The following GALNT13 variants were observed in gnomAD, a reference collection of about 807,000 sequenced individuals.
GALNT13 encodes the protein UDP-GalNAc:polypeptide N-acetylgalactosaminyltransferase 13.
In GALNT13, 28 loss-of-function variants were observed where a neutral mutation model predicts 64.2. The observed-to-expected ratio is 0.44, with a 90% CI of 0.32 to 0.60. The LOEUF is 0.60. GALNT13 is among the 20% of genes least tolerant of loss of function. The probability of loss-of-function intolerance (pLI) is 0.05; values close to 1 mark genes in which losing one functional copy is unlikely to be tolerated. For missense variants in GALNT13, 577 were observed against 669.8 expected (o/e 0.86, Z 1.53); for synonymous variants, 214 against 224.6 (o/e 0.95, Z 0.42).
chr2:153,261,523 T>A, the GALNT13 span, among the ~76,000 whole-genome samples: 1 of 152,294 alleles, frequency 6.6e-6, no homozygotes, highest in African/African-American at 2.4e-5. Flanking sequence ...TTACTTTCCC[T>A]CAAACAAATG....
the GALNT13 span, among the ~76,000 whole-genome samples, chr2:153,726,360 A>T: frequency 6.6e-6 from 1 of 152,264 alleles, no homozygotes; most frequent in African/African-American, 2.4e-5. Context: ...GTTTTTTTTC[A>T]TGTGGAATCA....
At chr2:153,431,091 A>G in the GALNT13 span, among the ~76,000 whole-genome samples, 1 of 151,444 alleles carries the variant, frequency 6.6e-6, no homozygotes, top group Non-Finnish European at 1.5e-5. Context: ...CGGAGGTTGC[A>G]GTGAGCCGAG....
intron 9 of GALNT13, among the ~76,000 whole-genome samples, chr2:154,367,073 T>TA (rs1288624479): frequency 1.2e-4 from 18 of 152,038 alleles, no homozygotes; most frequent in Admixed American, 3.3e-4. Context: ...ACTCCTTTTT[T>TA]AAAAAAAAAT....
At chr2:153,080,885 T>C in the GALNT13 span, among the ~76,000 whole-genome samples, 1 of 152,120 alleles carries the variant, frequency 6.6e-6, no homozygotes, top group Non-Finnish European at 1.5e-5. Context: ...TTTTCTCCTT[T>C]AATGCTTTTT....
At chr2:154,385,239 A>G (rs1397425762) in intron 9 of GALNT13, among the ~76,000 whole-genome samples, 1 of 151,956 alleles carries the variant, frequency 6.6e-6, no homozygotes, top group African/African-American at 2.4e-5. Context: ...GCACACTGAA[A>G]TCTTCTGGCT....
At chr2:153,756,724 A>G in the GALNT13 span, among the ~76,000 whole-genome samples, 121 of 152,140 alleles carry the variant, frequency 8.0e-4, no homozygotes, top group Non-Finnish European at 1.4e-3. Flanking sequence ...CATTGACTAG[A>G]CTTTCCATTC....
chr2:154,009,701 G>T (rs67553319), intron 3 of GALNT13, among the ~76,000 whole-genome samples: 28,253 of 151,892 alleles, frequency 0.19, 3,369 homozygotes, highest in Non-Finnish European at 0.26. Flanking sequence ...TATTCATCAG[G>T]CTGGTCTCGA....
chr2:153,200,248 C>T, the GALNT13 span, among the ~76,000 whole-genome samples: 3 of 152,158 alleles, frequency 2.0e-5, no homozygotes, highest in African/African-American at 7.2e-5. Context: ...AGGTGAAGAG[C>T]AAGAATTGTC....
At chr2:153,498,614 T>C in the GALNT13 span, among the ~76,000 whole-genome samples, 2 of 152,182 alleles carry the variant, frequency 1.3e-5, no homozygotes, top group Non-Finnish European at 2.9e-5. Context: ...GGCACCCACA[T>C]CTGGACAAGG....
the GALNT13 span, among the ~76,000 whole-genome samples, chr2:153,424,923 G>T: frequency 6.6e-6 from 1 of 151,698 alleles, no homozygotes; most frequent in East Asian, 1.9e-4. Flanking sequence ...AGACAAAAGT[G>T]AAAAATAAAA....
At chr2:153,345,651 CTT>C in the GALNT13 span, among the ~76,000 whole-genome samples, 6 of 129,522 alleles carry the variant, frequency 4.6e-5, no homozygotes, top group African/African-American at 1.8e-4. Flanking sequence ...TTCTTTCTTT[CTT>C]TCTTTCTTTC....
the GALNT13 span, among the ~76,000 whole-genome samples, chr2:153,240,398 C>A: frequency 6.6e-6 from 1 of 152,094 alleles, no homozygotes; most frequent in Non-Finnish European, 1.5e-5. Flanking sequence ...GCAAGGTGAA[C>A]CCATAGGGTG....
chr2:153,419,081 G>A, the GALNT13 span, among the ~76,000 whole-genome samples: 3 of 152,118 alleles, frequency 2.0e-5, no homozygotes, highest in African/African-American at 7.2e-5. Flanking sequence ...AGAAATACCC[G>A]AGACTGGGTA....
At chr2:153,105,960 C>T in the GALNT13 span, among the ~76,000 whole-genome samples, 1 of 152,046 alleles carries the variant, frequency 6.6e-6, no homozygotes, top group Admixed American at 6.6e-5. Flanking sequence ...TTATATGTTG[C>T]TTTCAGTGAT....
chr2:153,221,453 T>C, the GALNT13 span, among the ~76,000 whole-genome samples: 1 of 152,222 alleles, frequency 6.6e-6, no homozygotes, highest in Non-Finnish European at 1.5e-5. Context: ...TGCTTAATTC[T>C]AGACAAAACA....
intron 1 of GALNT13, among the ~76,000 whole-genome samples, chr2:153,878,451 A>G (rs1249721713): frequency 6.6e-6 from 1 of 152,178 alleles, no homozygotes; most frequent in Non-Finnish European, 1.5e-5. Flanking sequence ...CATAATGCTT[A>G]TAGCTTATTC....
the GALNT13 span, among the ~76,000 whole-genome samples, chr2:153,322,011 C>G: frequency 1.3e-5 from 2 of 150,276 alleles, no homozygotes; most frequent in East Asian, 4.1e-4. Flanking sequence ...AATTTAAGTA[C>G]GGAAAAACTA....
chr2:153,346,566 C>G, the GALNT13 span, among the ~76,000 whole-genome samples: 1 of 152,036 alleles, frequency 6.6e-6, no homozygotes, highest in African/African-American at 2.4e-5. Context: ...CATGCCAAGG[C>G]CTTACCTGAA....
intron 10 of GALNT13, among the ~76,000 whole-genome samples, chr2:154,396,854 A>G (rs1699078097): frequency 6.6e-6 from 1 of 151,754 alleles, no homozygotes; most frequent in South Asian, 2.1e-4. Flanking sequence ...CTACATATCT[A>G]TTTTATCTTG....
Sources: allele counts gnomAD v4.1 joint callset (sites outside exome capture counted in the v4.1 genomes callset), GRCh38; gene constraint gnomAD v4.1.1; transcripts MANE v1.5; gene names NCBI Gene and HGNC (gene_info 2026-07-23, HGNC 2026-07-21).